The following TXNDC5 variants were observed in gnomAD, a reference collection of about 807,000 sequenced individuals.
TXNDC5 encodes the protein thioredoxin domain-containing protein 5.
In TXNDC5, 44 loss-of-function variants were observed where a neutral mutation model predicts 52.6. That is an observed-to-expected ratio of 0.84 (90% CI 0.66 to 1.08). The LOEUF (loss-of-function observed/expected upper bound fraction) is 1.08. TXNDC5 is among the 50% of genes least tolerant of loss of function. The pLI is 0.00. For missense variants in TXNDC5, 600 were observed against 565.5 expected, an observed-to-expected ratio of 1.06 and a Z score of -0.62; for synonymous variants, 241 against 234.4, an observed-to-expected ratio of 1.03 and a Z score of -0.26.
At chr6:7,890,002 A>C (rs1467815348) in intron 5 of TXNDC5, among the ~76,000 whole-genome samples, 9 of 152,302 alleles carry the variant, frequency 5.9e-5, no homozygotes, top group Admixed American at 5.2e-4. Context: ...TCTCATGCTG[A>C]AGCTTAGAGG....
chr6:7,892,064 G>C (rs1373658187), intron 4 of TXNDC5, among the ~76,000 whole-genome samples: 2 of 152,212 alleles, frequency 1.3e-5, no homozygotes, highest in African/African-American at 4.8e-5. Flanking sequence ...TGATAAATGA[G>C]GGTGAGTTTC....
rs111598355 is a variant in TXNDC5 at position 7,909,898 on chromosome 6, C to A, written c.263+616G>T. On this transcript the variant is annotated intron_variant, in intron 1 of 9. Coordinates refer to ENST00000379757, the MANE Select transcript of TXNDC5 (RefSeq NM_030810.5). ...CAGCCGACCCCGGTGGCCGCGGCAGCAGCAAGGCCGCTCTGGTGAGTGCAC... is the reference window on the plus strand; with the variant it reads ...CAGCCGACCCCGGTGGCCGCGGCAGAAGCAAGGCCGCTCTGGTGAGTGCAC... 4.6e-5 allele frequency: 45 copies of A among 986,078 alleles called. 3 individuals carry two copies. Among genetic ancestry groups the A allele is most frequent in the African/African-American group, 4.5e-4 (26 of 57,384 alleles). The allele number at this position is 986,078 out of a possible 1,614,324, so 61.1% of individuals were successfully genotyped here.
intron 1 of TXNDC5, chr6:7,910,082 A>G: frequency 1.0e-6 from 1 of 986,062 alleles, no homozygotes; most frequent in Non-Finnish European, 1.2e-6. Context: ...TGAATTCAGG[A>G]GCGCGGCGCA....
chr6:7,895,289 G>GC, intron 3 of TXNDC5, 87 bp from the exon 4 acceptor site: 1 of 1,130,878 alleles, frequency 8.8e-7, no homozygotes, highest in Non-Finnish European at 1.3e-6. Flanking sequence ...GTGGGGAACC[G>GC]CCTGCAGATG....
intron 3 of TXNDC5, among the ~76,000 whole-genome samples, chr6:7,895,983 A>C (rs946703016): frequency 6.6e-6 from 1 of 152,110 alleles, no homozygotes; most frequent in Non-Finnish European, 1.5e-5. Flanking sequence ...ACAGAGTGAG[A>C]CTCTTCCTCA....
intron 2 of TXNDC5, among the ~76,000 whole-genome samples, chr6:7,901,605 A>G (rs1760569735): frequency 6.6e-6 from 1 of 152,240 alleles, no homozygotes; most frequent in Non-Finnish European, 1.5e-5. Context: ...CTTCTGGTCC[A>G]GACCTTGCAG....
At chr6:7,884,299 G>C in intron 9 of TXNDC5, 60 bp downstream of exon 9, 4 of 1,603,802 alleles carry the variant, frequency 2.5e-6, no homozygotes, top group Non-Finnish European at 3.4e-6. Flanking sequence ...TTGAGGCACA[G>C]TTCCCTTGGG....
intron 1 of TXNDC5, among the ~76,000 whole-genome samples, chr6:7,910,297 G>T (rs1455579016): frequency 6.7e-6 from 1 of 149,452 alleles, no homozygotes; most frequent in East Asian, 2.0e-4. Flanking sequence ...GCCAGCCGGA[G>T]CCCCGAACCC....
chr6:7,894,780 T>C (rs1760309335), intron 4 of TXNDC5: 4 of 985,402 alleles, frequency 4.1e-6, no homozygotes, highest in Non-Finnish European at 4.8e-6. Context: ...ATGCAGTATC[T>C]CCAAAGTGCA....
chr6:7,901,847 T>C (rs1316200010), intron 2 of TXNDC5, among the ~76,000 whole-genome samples: 3 of 150,718 alleles, frequency 2.0e-5, no homozygotes, highest in South Asian at 4.1e-4. Flanking sequence ...CCGTAGACAG[T>C]GTTATCAGTT....
rs1361596535 is a variant in TXNDC5, at chr6:7,910,784, G to A, written c.-8C>T. The A allele has an allele frequency of 3.0e-6, 3 of 985,972 alleles. No individual in the cohort carries two copies. In the African/African-American group the frequency reaches 5.3e-5, roughly 17 times the overall value. 61.1% of individuals were successfully genotyped at this position (985,972 alleles called of 1,614,324 possible). On this transcript the variant is annotated 5_prime_UTR_variant, in exon 1 of 10. Transcript: ENST00000379757. ...TCCTGGGCGCGCGGGCATCGCGGCG[G>A]GGCTGGGCGCGCTCTCGCCGCGGCC...
At position 7,881,644 on chromosome 6, in the gene TXNDC5, T is replaced by C. The variant is rs900304958; in HGVS notation, c.*1500A>G. ...GTTGTGTGTACAAGACTCTTGACAG[T>C]TGTGCTTCTCTAGGAGGTTGGGTTT... is the stretch of plus-strand genomic sequence containing the variant. On this transcript the variant is annotated 3_prime_UTR_variant, in exon 10 of 10. Transcript: ENST00000379757. 1 of 152,138 alleles carries C rather than the reference T, an allele frequency of 6.6e-6. No individual in the cohort carries two copies. The highest frequency in any genetic ancestry group is 2.4e-5 in the African/African-American group (1 of 41,412). The allele number at this position is 152,138 out of a possible 1,614,324, so 9.4% of individuals were successfully genotyped here.
chr6:7,889,033 G>A (rs1760102630), intron 6 of TXNDC5, 185 bp from the exon 7 acceptor site: 8 of 727,160 alleles, frequency 1.1e-5, no homozygotes. Context: ...GCTTTGGTGA[G>A]AGAACTGTAC....
chr6:7,904,904 C>T (rs1250721496), intron 1 of TXNDC5, among the ~76,000 whole-genome samples, 181 bp from the exon 2 acceptor site: 1 of 152,212 alleles, frequency 6.6e-6, no homozygotes, highest in African/African-American at 2.4e-5. Context: ...TCCAGAGTCA[C>T]TGCCCTGTTC....
intron 7 of TXNDC5, among the ~76,000 whole-genome samples, chr6:7,886,324 G>A (rs541021466): frequency 6.6e-6 from 1 of 152,236 alleles, no homozygotes; most frequent in East Asian, 1.9e-4. Context: ...ATGAAGGTGG[G>A]GAGGGGGACT....
chr6:7,888,560 A>C, intron 7 of TXNDC5, 145 bp downstream of exon 7: 1 of 1,029,042 alleles, frequency 9.7e-7, no homozygotes, highest in Non-Finnish European at 1.4e-6. Flanking sequence ...CGTGTTGAAA[A>C]CGCAACTGGA....
intron 8 of TXNDC5, 81 bp from the exon 9 acceptor site, chr6:7,884,569 G>A (rs1759893521): frequency 1.3e-6 from 2 of 1,592,666 alleles, no homozygotes; most frequent in Non-Finnish European, 8.6e-7. Flanking sequence ...GACAAGCTCT[G>A]TTTCTTCTGT....
chr6:7,889,339 TAAGAGA>T, intron 6 of TXNDC5, 150 bp downstream of exon 6: 1 of 621,504 alleles, frequency 1.6e-6, no homozygotes, highest in Non-Finnish European at 2.8e-6. Context: ...TCTTATCAAT[TAAGAGA>T]AAGACGTTTG....
At chr6:7,886,438 T>C (rs1209495083) in intron 7 of TXNDC5, among the ~76,000 whole-genome samples, 2 of 152,046 alleles carry the variant, frequency 1.3e-5, no homozygotes, top group Non-Finnish European at 2.9e-5. Context: ...AAGCCTGGAG[T>C]CTCCAGGATA....
Sources: allele counts gnomAD v4.1 joint callset (sites outside exome capture counted in the v4.1 genomes callset), GRCh38; gene constraint gnomAD v4.1.1; transcripts MANE v1.5; gene names NCBI Gene and HGNC (gene_info 2026-07-23, HGNC 2026-07-21).